The following KCNJ6 variants were observed in gnomAD, a reference collection of about 807,000 sequenced individuals.
KCNJ6 encodes potassium inwardly rectifying channel subfamily J member 6.
A neutral mutation model predicts 34.2 loss-of-function variants in KCNJ6; 9 were observed. The ratio of observed to expected loss-of-function variants is 0.26; its 90% CI spans 0.16 to 0.46. The LOEUF is 0.46. KCNJ6 is among the 20% of genes least tolerant of loss of function. The pLI, the probability that KCNJ6 is intolerant of heterozygous loss-of-function variation, is 1.00. For missense variants in KCNJ6, 236 were observed against 531.3 expected, an observed-to-expected ratio of 0.44 and a Z score of 5.46; for synonymous variants, 196 against 207.1, an observed-to-expected ratio of 0.95 and a Z score of 0.46.
In KCNJ6 at chr21:37,624,418, A is replaced by T. The variant is rs1291941415; in HGVS notation, c.*741T>A. 6.6e-6 allele frequency: 1 copy of T among 152,204 alleles called. No individual in the cohort carries two copies. The highest frequency in any genetic ancestry group is 1.5e-5 in the Non-Finnish European group (1 of 68,042). The allele number at this position is 152,204 out of a possible 1,614,324, so 9.4% of individuals were successfully genotyped here. On this transcript the variant is annotated 3_prime_UTR_variant, in exon 4 of 4. Coordinates refer to ENST00000609713, the MANE Select transcript of KCNJ6 (RefSeq NM_002240.5). ...CGTCAACTGGATCAAAATAACCTGG[A>T]AAACACAGACATCAAAACAGAAATG...
intron 3 of KCNJ6, among the ~76,000 whole-genome samples, chr21:37,641,712 A>AT (rs1556012586): frequency 6.6e-6 from 1 of 151,922 alleles, no homozygotes; most frequent in African/African-American, 2.4e-5. Flanking sequence ...GGGGATGGGC[A>AT]GGGGAGCTTT....
rs78144027 is a variant in KCNJ6, at chr21:37,694,826, C to T, written c.946+19385G>A. 1.3e-3 allele frequency among the ~76,000 whole-genome samples: 191 copies of T among 152,206 alleles called. 5 individuals are homozygous for T. The East Asian group carries it at 0.034, about 27-fold the overall frequency. Reference sequence around the variant, plus strand: ...TATTGTATCAGGTGGGGAACCTGATCCAGTAGTTCCAGAAGAGACACAAAA... The same window carrying T: ...TATTGTATCAGGTGGGGAACCTGATTCAGTAGTTCCAGAAGAGACACAAAA... On this transcript the variant is annotated intron_variant, in intron 3 of 3. Transcript: ENST00000609713.
chr21:37,817,755 T>C (rs1319528032), intron 2 of KCNJ6, among the ~76,000 whole-genome samples: 3 of 152,210 alleles, frequency 2.0e-5, no homozygotes, highest in African/African-American at 7.2e-5. Flanking sequence ...TGATGCACAC[T>C]GACAGTTACT....
At chr21:37,731,132 T>C (rs1463909689) in intron 2 of KCNJ6, among the ~76,000 whole-genome samples, 3 of 152,112 alleles carry the variant, frequency 2.0e-5, no homozygotes, top group Non-Finnish European at 4.4e-5. Flanking sequence ...TGTGTGTTTG[T>C]GTGCCTGCAT....
At chr21:37,870,481 C>T (rs2055645563) in intron 1 of KCNJ6, among the ~76,000 whole-genome samples, 1 of 152,160 alleles carries the variant, frequency 6.6e-6, no homozygotes. Flanking sequence ...TCCAAAATAG[C>T]CAGTCCATCA....
At chr21:37,635,792 C>T (rs2054355040) in intron 3 of KCNJ6, among the ~76,000 whole-genome samples, 1 of 152,248 alleles carries the variant, frequency 6.6e-6, no homozygotes, top group Non-Finnish European at 1.5e-5. Flanking sequence ...GTTGGGATTA[C>T]AGGCATGCGC....
intron 3 of KCNJ6, among the ~76,000 whole-genome samples, chr21:37,664,922 A>T (rs1281615468): frequency 6.6e-6 from 1 of 150,712 alleles, no homozygotes; most frequent in Non-Finnish European, 1.5e-5. Flanking sequence ...CAGCCTCCCG[A>T]GTAACTGGAA....
At chr21:37,845,380 T>C (rs929352529) in intron 1 of KCNJ6, among the ~76,000 whole-genome samples, 69 of 152,164 alleles carry the variant, frequency 4.5e-4, no homozygotes, top group African/African-American at 1.6e-3. Context: ...TGGATGTTCG[T>C]AGAGAGAGTG....
At position 37,809,492 on chromosome 21, in the gene KCNJ6, T is replaced by A. The variant is rs180682711; in HGVS notation, c.25+31166A>T. On this transcript the variant is annotated intron_variant, in intron 2 of 3. Transcript: ENST00000609713. Reference sequence around the variant, plus strand: ...TATACACATGTAACAAACCTGCACATTGTGCACATGTACCCTAAAACTTAA... The same window carrying A: ...TATACACATGTAACAAACCTGCACAATGTGCACATGTACCCTAAAACTTAA... Among the ~76,000 whole-genome samples the A allele has an allele frequency of 1.9e-3, 285 of 152,078 alleles. 7 individuals carry two copies. The East Asian group carries it at 0.051, about 27-fold the overall frequency.
At chr21:37,814,480 T>G (rs1160940938) in intron 2 of KCNJ6, among the ~76,000 whole-genome samples, 1 of 152,182 alleles carries the variant, frequency 6.6e-6, no homozygotes, top group Non-Finnish European at 1.5e-5. Context: ...CCTGAAGTGA[T>G]CAATGTTTAT....
intron 2 of KCNJ6, among the ~76,000 whole-genome samples, chr21:37,783,725 G>C (rs973642321): frequency 2.1e-4 from 32 of 152,212 alleles, no homozygotes; most frequent in Admixed American, 2.0e-3. Context: ...ATATGTTGAA[G>C]CTCTAACCTC....
intron 2 of KCNJ6, among the ~76,000 whole-genome samples, chr21:37,753,131 G>A (rs940703141): frequency 6.6e-6 from 1 of 152,194 alleles, no homozygotes; most frequent in African/African-American, 2.4e-5. Flanking sequence ...ATGTGCACAG[G>A]GTGGCAAATG....
At chr21:37,659,111 T>G (rs1406500958) in intron 3 of KCNJ6, among the ~76,000 whole-genome samples, 1 of 152,230 alleles carries the variant, frequency 6.6e-6, no homozygotes, top group African/African-American at 2.4e-5. Flanking sequence ...TTACTGCACC[T>G]GTGTCAAAAC....
At chr21:37,751,413 G>A (rs1483723481) in intron 2 of KCNJ6, among the ~76,000 whole-genome samples, 1 of 152,234 alleles carries the variant, frequency 6.6e-6, no homozygotes, top group Non-Finnish European at 1.5e-5. Flanking sequence ...CTGGGACCAG[G>A]GAGAGCAAAC....
intron 2 of KCNJ6, among the ~76,000 whole-genome samples, chr21:37,810,860 T>C (rs1435527368): frequency 1.3e-5 from 2 of 152,204 alleles, no homozygotes; most frequent in African/African-American, 4.8e-5. Context: ...GGTGCATCTT[T>C]TGTTCTAATA....
rs1303658330 is a variant in KCNJ6, at chr21:37,609,525, T to G, written c.*15634A>C. The stretch of plus-strand genomic sequence containing the variant: ...TTTTACTGGGCCATAGTAAACATTT[T>G]GGGCCTTAATATAATGCCATTTTAT... On this transcript the variant is annotated 3_prime_UTR_variant, in exon 4 of 4. Transcript: ENST00000609713. The G allele has an allele frequency of 6.6e-6, 1 of 152,230 alleles. No individual in the cohort carries two copies. The highest frequency in any genetic ancestry group is 1.5e-5 in the Non-Finnish European group (1 of 68,042). The allele number at this position is 152,230 out of a possible 1,614,324, so 9.4% of individuals were successfully genotyped here. A position where few individuals can be genotyped will look rare whatever the true frequency, so the allele number is the denominator to read the frequency against.
intron 3 of KCNJ6, among the ~76,000 whole-genome samples, chr21:37,636,874 T>A (rs750692286): frequency 3.1e-4 from 47 of 152,208 alleles, no homozygotes; most frequent in Admixed American, 8.5e-4. Flanking sequence ...AGACAATACA[T>A]GAAAACAGCC....
chr21:37,879,540 C>T (rs1414423228), intron 1 of KCNJ6, among the ~76,000 whole-genome samples: 2 of 152,108 alleles, frequency 1.3e-5, no homozygotes, highest in African/African-American at 4.8e-5. Flanking sequence ...GTTCACTGTG[C>T]CTCAGTTCAT....
At chr21:37,793,933 A>T (rs2055229243) in intron 2 of KCNJ6, among the ~76,000 whole-genome samples, 1 of 152,282 alleles carries the variant, frequency 6.6e-6, no homozygotes, top group South Asian at 2.1e-4. Flanking sequence ...AAAGTAAAGG[A>T]TAATGCATCT....
Sources: gnomAD v4.1 joint callset for allele counts (sites outside exome capture counted in the v4.1 genomes callset) on GRCh38, gnomAD v4.1.1 for gene constraint, MANE v1.5 for transcripts, NCBI Gene and HGNC (gene_info 2026-07-23, HGNC 2026-07-21) for gene names.